MYO5B: variants seen among roughly 807,000 people sequenced by gnomAD.
The protein encoded by MYO5B is unconventional myosin-Vb.
MYO5B carries 143 observed loss-of-function variants against 229.3 expected under a neutral mutation model. The observed-to-expected ratio is 0.62, with a 90% CI of 0.54 to 0.72. MYO5B has a LOEUF of 0.72. MYO5B is among the 30% of genes least tolerant of loss of function. MYO5B has a pLI of 0.00. For synonymous variants in MYO5B, 918 were observed against 885.2 expected, an observed-to-expected ratio of 1.04 and a Z score of -0.66; for missense variants, 2,321 against 2,331.0, an observed-to-expected ratio of 1.00 and a Z score of 0.09.
chr18:49,910,207 T>G (rs1175216257), intron 18 of MYO5B, among the ~76,000 whole-genome samples: 1 of 152,214 alleles, frequency 6.6e-6, no homozygotes, highest in Non-Finnish European at 1.5e-5. Flanking sequence ...CAGTGGCATG[T>G]GGTCCCATTA....
intron 10 of MYO5B, among the ~76,000 whole-genome samples, chr18:49,971,239 G>A (rs765715096): frequency 2.6e-5 from 4 of 152,190 alleles, no homozygotes; most frequent in Admixed American, 6.5e-5. Flanking sequence ...AGTTTGAACT[G>A]GGAAGGAGGT....
rs367575506 is a variant in MYO5B, at chr18:50,009,123, A to G, written c.456-7712T>C. On this transcript the variant is annotated intron_variant, in intron 4 of 39. Transcript: ENST00000285039. ...CCGAGCGCAGTGGCTCACGTCTGTAATCACAGCACCTTGGGAGGCTGAGGC... is the reference window on the plus strand; with the variant it reads ...CCGAGCGCAGTGGCTCACGTCTGTAGTCACAGCACCTTGGGAGGCTGAGGC... Among the ~76,000 whole-genome samples, 13 of 152,324 alleles carry G rather than the reference A, an allele frequency of 8.5e-5. No homozygotes were observed. In the South Asian group the frequency reaches 1.9e-3, roughly 22 times the overall value.
intron 1 of MYO5B, among the ~76,000 whole-genome samples, chr18:50,142,916 G>A (rs139898074): frequency 2.0e-5 from 3 of 152,154 alleles, no homozygotes; most frequent in Non-Finnish European, 4.4e-5. Flanking sequence ...GCAGACATAC[G>A]ATAGGAAAAC....
At chr18:49,914,322 C>G (rs1156845038) in intron 17 of MYO5B, among the ~76,000 whole-genome samples, 2 of 152,200 alleles carry the variant, frequency 1.3e-5, no homozygotes, top group East Asian at 1.9e-4. Flanking sequence ...AGCCACACCC[C>G]CATAGCACAC....
intron 23 of MYO5B, 104 bp downstream of exon 23, chr18:49,880,267 T>C (rs2024572100): frequency 3.1e-6 from 3 of 954,484 alleles, no homozygotes; most frequent in African/African-American, 3.2e-5. Flanking sequence ...CTTTCCCCAC[T>C]GTAGCCTCTA....
chr18:49,962,903 G>C, intron 11 of MYO5B, 46 bp downstream of exon 11: 1 of 1,499,514 alleles, frequency 6.7e-7, no homozygotes, highest in Non-Finnish European at 9.3e-7. Flanking sequence ...CCTCCCAGAG[G>C]AGTCCCCCCA....
chr18:49,864,127 C>T lies in MYO5B; in HGVS notation c.3843+14G>A, dbSNP rs751334762. Reference sequence around the variant, plus strand: ...ACCCCTCGGCAGCCCCACCGCGGGCCGCCATCTTGTTACCGCGTTCCTGCC... The same window carrying T: ...ACCCCTCGGCAGCCCCACCGCGGGCTGCCATCTTGTTACCGCGTTCCTGCC... On this transcript the variant is annotated intron_variant, in intron 28 of 39. Transcript: ENST00000285039. 8 of 1,605,616 alleles carry T rather than the reference C, an allele frequency of 5.0e-6. No homozygotes were observed. The East Asian group carries it at 1.8e-4, about 36-fold the overall frequency.
chr18:50,084,501 C>T (rs1383941878), intron 1 of MYO5B, among the ~76,000 whole-genome samples: 1 of 152,174 alleles, frequency 6.6e-6, no homozygotes, highest in Non-Finnish European at 1.5e-5. Flanking sequence ...GTTTCTCCTG[C>T]CTTCTGGGAA....
chr18:49,910,977 A>G (rs1024488768), intron 18 of MYO5B, among the ~76,000 whole-genome samples: 6 of 152,216 alleles, frequency 3.9e-5, no homozygotes, highest in Non-Finnish European at 1.5e-5. Flanking sequence ...AAAGGCCCCA[A>G]TAGCTCCGCT....
At chr18:49,929,468 C>T (rs768864834) in intron 17 of MYO5B, 44 bp downstream of exon 17, 13 of 1,535,154 alleles carry the variant, frequency 8.5e-6, no homozygotes, top group Non-Finnish European at 1.2e-5. Context: ...ACTCTGGCTG[C>T]TCTAGGGCAG....
At chr18:50,043,497 A>G (rs1399550893) in intron 2 of MYO5B, among the ~76,000 whole-genome samples, 9 of 122,084 alleles carry the variant, frequency 7.4e-5, no homozygotes, top group South Asian at 2.3e-4. Context: ...ATTTTTATAT[A>G]TAAATATAAA....
chr18:49,847,247 A>G lies in MYO5B; in HGVS notation c.4358T>C (p.Leu1453Pro), dbSNP rs745828466. Reference sequence around the variant, plus strand: ...CCGCTGGACCGTGACCTGCCTGTTGAGCTCATGGCGCTTCCTCTCACTCTG... The same window carrying G: ...CCGCTGGACCGTGACCTGCCTGTTGGGCTCATGGCGCTTCCTCTCACTCTG... ...LAQSERKRHE[L>P]NRQVTVQRKE... The change falls in exon 33 of 40, where the codon CTC becomes CCC. Residue 1453 changes from leucine (L) to proline (P), a missense_variant. This residue lies in a region of MYO5B where 2,113 missense variants were observed against 2,044.7 expected (regional missense o/e 1.03). Coordinates refer to ENST00000285039, the MANE Select transcript of MYO5B (RefSeq NM_001080467.3). The G allele has an allele frequency of 8.1e-6, 13 of 1,613,850 alleles. No homozygotes were observed. In the Admixed American group the frequency reaches 1.5e-4, roughly 19 times the overall value.
intron 22 of MYO5B, among the ~76,000 whole-genome samples, chr18:49,883,399 G>T (rs1420904990): frequency 1.3e-5 from 2 of 149,736 alleles, no homozygotes; most frequent in African/African-American, 5.1e-5. Flanking sequence ...CCACTATAAT[G>T]GCATAAAATA....
At chr18:49,827,728 G>T (rs2023864330) in intron 39 of MYO5B, among the ~76,000 whole-genome samples, 1 of 151,894 alleles carries the variant, frequency 6.6e-6, no homozygotes, top group African/African-American at 2.4e-5. Context: ...GTACCAGAAG[G>T]AAAAGAGCAA....
At chr18:49,984,500 C>G (rs767008748) in intron 8 of MYO5B, among the ~76,000 whole-genome samples, 1 of 152,168 alleles carries the variant, frequency 6.6e-6, no homozygotes, top group African/African-American at 2.4e-5. Context: ...CTCTCATAAC[C>G]TTATTTTTTA....
chr18:50,177,541 C>T (rs1273789116), intron 1 of MYO5B, among the ~76,000 whole-genome samples: 6 of 152,248 alleles, frequency 3.9e-5, no homozygotes, highest in African/African-American at 1.4e-4. Flanking sequence ...TCCAATCAGG[C>T]TGTCTCCTGT....
chr18:49,893,457 G>A (rs559787618), intron 22 of MYO5B, among the ~76,000 whole-genome samples: 1 of 152,152 alleles, frequency 6.6e-6, no homozygotes, highest in African/African-American at 2.4e-5. Context: ...ATGATTTGTA[G>A]GTTACAAGAC....
At chr18:49,844,671 T>G (rs1475446451) in intron 33 of MYO5B, among the ~76,000 whole-genome samples, 6 of 152,246 alleles carry the variant, frequency 3.9e-5, no homozygotes, top group Non-Finnish European at 8.8e-5. Context: ...CAGATGGCTG[T>G]GGATTGGCCA....
At chr18:50,043,355 A>ATT (rs2030092971) in intron 2 of MYO5B, among the ~76,000 whole-genome samples, 3 of 115,414 alleles carry the variant, frequency 2.6e-5, no homozygotes, top group East Asian at 2.2e-4. Flanking sequence ...TATATATAAT[A>ATT]TAAATATATT....
Sources: allele counts gnomAD v4.1 joint callset (sites outside exome capture counted in the v4.1 genomes callset), GRCh38; gene constraint gnomAD v4.1.1; regional missense constraint gnomAD v4.1.1; transcripts MANE v1.5; gene names NCBI Gene and HGNC (gene_info 2026-07-23, HGNC 2026-07-21).